XPOT: variants seen among roughly 807,000 people sequenced by gnomAD.
XPOT encodes the protein exportin-T.
A neutral mutation model predicts 128.2 loss-of-function variants in XPOT; 34 were observed. The observed-to-expected ratio is 0.27, with a 90% CI of 0.20 to 0.35. The LOEUF (loss-of-function observed/expected upper bound fraction) is 0.35. Ranked by LOEUF, XPOT falls within the 10% of genes least tolerant of loss-of-function variation. The pLI is 1.00. For synonymous variants in XPOT, 348 were observed against 394.3 expected (o/e 0.88, Z 1.39); for missense variants, 838 against 1,125.3 (o/e 0.74, Z 3.65).
rs2136046071 is a variant in XPOT at position 64,450,717 on chromosome 12, G to A, written c.*2586G>A. 6.6e-6 allele frequency: 1 copy of A among 152,368 alleles called. No individual in the cohort carries two copies. The highest frequency in any genetic ancestry group is 3.4e-3 in the Middle Eastern group (1 of 294). 9.4% of individuals were successfully genotyped at this position (152,368 alleles called of 1,614,324 possible). A position where few individuals can be genotyped will look rare whatever the true frequency, so the allele number is the denominator to read the frequency against. On this transcript the variant is annotated 3_prime_UTR_variant, in exon 25 of 25. Transcript: ENST00000332707. ...AAGTACTCAAATAATTGTCTCAAGA[G>A]AGGAAGGACAAAACTGTTACAAGCT...
chr12:64,418,536 A>G (rs1004241114), intron 5 of XPOT, among the ~76,000 whole-genome samples: 1 of 152,154 alleles, frequency 6.6e-6, no homozygotes, highest in African/African-American at 2.4e-5. Context: ...CATTTTCCTT[A>G]AAGAGCAAGT....
chr12:64,448,212 A>G lies in XPOT; in HGVS notation c.*81A>G. 7.4e-7 allele frequency: 1 copy of G among 1,348,242 alleles called. No homozygotes were observed. Among genetic ancestry groups the G allele is most frequent in the Non-Finnish European group, 1.1e-6 (1 of 939,058 alleles). The allele number at this position is 1,348,242 out of a possible 1,614,324, so 83.5% of individuals were successfully genotyped here. ...GAGGCGATTTTTGTGTGCCATTCACACTGGTCTTTTTCACATTGTTTTGAG... is the reference window on the plus strand; with the variant it reads ...GAGGCGATTTTTGTGTGCCATTCACGCTGGTCTTTTTCACATTGTTTTGAG... On this transcript the variant is annotated 3_prime_UTR_variant, in exon 25 of 25. Transcript: ENST00000332707.
intron 15 of XPOT, among the ~76,000 whole-genome samples, chr12:64,427,460 A>G (rs12316829): frequency 0.16 from 24,942 of 151,824 alleles, 2,133 homozygotes; most frequent in Middle Eastern, 0.25. Flanking sequence ...CTCATCAGCC[A>G]AGTACTTAGT....
At chr12:64,446,918 G>T (rs1436931747) in intron 24 of XPOT, among the ~76,000 whole-genome samples, 1 of 152,012 alleles carries the variant, frequency 6.6e-6, no homozygotes, top group South Asian at 2.1e-4. Flanking sequence ...CCATTTTCAC[G>T]CTGCTGATAA....
chr12:64,431,580 A>G lies in XPOT; in HGVS notation c.2019A>G (p.Gln673=), dbSNP rs753697478. The G allele has an allele frequency of 6.2e-7, 1 of 1,613,966 alleles. No individual in the cohort carries two copies. The highest frequency in any genetic ancestry group is 1.7e-5 in the Admixed American group (1 of 60,014). Residue 673 remains glutamine (Q), a synonymous_variant, in exon 18 of 25, where the codon CAA becomes CAG. Coordinates refer to ENST00000332707, the MANE Select transcript of XPOT (RefSeq NM_007235.6). ...TCAGCAACAAACAGACTGTGAAACA[A>G]TGTGGCTGTTCCGAAGTTTATCTGG... The part of the protein sequence containing the change: ...KAFSNKQTVK[Q]CGCSEVYLDC...
intron 12 of XPOT, 37 bp from the exon 13 acceptor site, chr12:64,425,001 T>C: frequency 6.2e-7 from 1 of 1,609,418 alleles, no homozygotes; most frequent in Non-Finnish European, 8.5e-7. Flanking sequence ...ATGAAAAATT[T>C]ATCTTTAAAT....
In XPOT at chr12:64,445,112, T is replaced by G; in HGVS notation, c.2843T>G (p.Val948Gly). ...GCGCTTCAGCAGCCTGATGCTAAAG[T>G]TTTTAAAAATTACTTAAAGGTAGGT... ...CQALQQPDAK[V>G]FKNYLKVFFQ... Residue 948 changes from valine (V) to glycine (G), a missense_variant, in exon 24 of 25, where the codon GTT (valine) becomes GGT (glycine). Transcript: ENST00000332707. The G allele has an allele frequency of 6.2e-7, 1 of 1,609,982 alleles. No homozygotes were observed. The highest frequency in any genetic ancestry group is 8.5e-7 in the Non-Finnish European group (1 of 1,178,202).
intron 18 of XPOT, among the ~76,000 whole-genome samples, chr12:64,432,780 C>G (rs1218604995): frequency 1.3e-5 from 2 of 152,020 alleles, no homozygotes; most frequent in African/African-American, 4.8e-5. Flanking sequence ...AAGAAAAACC[C>G]TAAGAGTTTA....
intron 15 of XPOT, among the ~76,000 whole-genome samples, chr12:64,427,436 C>T (rs1045619769): frequency 6.6e-6 from 1 of 151,896 alleles, no homozygotes; most frequent in Non-Finnish European, 1.5e-5. Context: ...TTTATGTTGC[C>T]ACTTCCTTTC....
rs1180607113 is a variant in XPOT at position 64,431,648 on chromosome 12, A to G, written c.2087A>G (p.Gln696Arg). ...TFLPALSCPL[Q>R]KDILRSGVRT... is the part of the protein sequence containing the mutation. ...TTGCCAGCCCTCAGTTGTCCCTTAC[A>G]AAAGGATATTCTCAGAAGTGGAGTC... The change falls in exon 18 of 25, where the codon CAA (glutamine) becomes CGA (arginine). Residue 696 changes from glutamine (Q) to arginine (R), a missense_variant. Around this residue, in one of 3 missense-constraint regions of XPOT, gnomAD observed 761 missense variants for 988.3 expected, o/e 0.77. Transcript: ENST00000332707. 6.2e-7 allele frequency: 1 copy of G among 1,613,944 alleles called. No individual in the cohort carries two copies. The highest frequency in any genetic ancestry group is 8.5e-7 in the Non-Finnish European group (1 of 1,179,854).
intron 23 of XPOT, among the ~76,000 whole-genome samples, chr12:64,439,619 T>A (rs73120347): frequency 0.16 from 24,104 of 152,044 alleles, 1,960 homozygotes; most frequent in Middle Eastern, 0.25. Flanking sequence ...TGCATTTTTT[T>A]AAAAAAACAT....
chr12:64,437,407 A>G (rs893243726), intron 22 of XPOT, among the ~76,000 whole-genome samples: 2 of 152,208 alleles, frequency 1.3e-5, no homozygotes, highest in Non-Finnish European at 2.9e-5. Flanking sequence ...GATATTTTTG[A>G]TGGCCCTTAA....
intron 16 of XPOT, among the ~76,000 whole-genome samples, chr12:64,429,641 A>G (rs887644151): frequency 6.6e-6 from 1 of 152,092 alleles, no homozygotes; most frequent in African/African-American, 2.4e-5. Context: ...GGGTTTCACC[A>G]CGTTGACCAG....
At chr12:64,425,604 T>G in intron 14 of XPOT, 147 bp downstream of exon 14, 1 of 1,099,796 alleles carries the variant, frequency 9.1e-7, no homozygotes, top group Non-Finnish European at 1.3e-6. Flanking sequence ...CCTCCTCCAT[T>G]TCTTTTAAAT....
intron 22 of XPOT, among the ~76,000 whole-genome samples, chr12:64,438,123 A>G (rs1010608495): frequency 6.6e-6 from 1 of 152,228 alleles, no homozygotes; most frequent in Non-Finnish European, 1.5e-5. Flanking sequence ...GAAGGATGAA[A>G]GGAAACAGTA....
At chr12:64,433,356 TC>T in intron 18 of XPOT, 57 bp from the exon 19 acceptor site, 7 of 1,453,576 alleles carry the variant, frequency 4.8e-6, no homozygotes, top group Non-Finnish European at 9.2e-7. Flanking sequence ...AATAGTTTTT[TC>T]TAAGTTGTAT....
At chr12:64,422,735 T>C (rs937435897) in intron 9 of XPOT, among the ~76,000 whole-genome samples, 3 of 151,636 alleles carry the variant, frequency 2.0e-5, no homozygotes, top group Non-Finnish European at 2.9e-5. Flanking sequence ...TCCATTTCTA[T>C]AAATAATAAA....
chr12:64,407,618 A>G (rs1474793394), intron 1 of XPOT, among the ~76,000 whole-genome samples: 1 of 152,154 alleles, frequency 6.6e-6, no homozygotes, highest in African/African-American at 2.4e-5. Flanking sequence ...CTTGAAAGAG[A>G]TGGCTTCTAA....
At chr12:64,424,414 G>A (rs1376310799) in intron 11 of XPOT, among the ~76,000 whole-genome samples, 185 bp from the exon 12 acceptor site, 3 of 152,068 alleles carry the variant, frequency 2.0e-5, no homozygotes, top group African/African-American at 7.2e-5. Context: ...AAATACAGGA[G>A]AACTGGATAT....
Sources: gnomAD v4.1 joint callset for allele counts (sites outside exome capture counted in the v4.1 genomes callset) on GRCh38, gnomAD v4.1.1 for gene constraint, gnomAD v4.1.1 regional missense constraint, MANE v1.5 for transcripts, NCBI Gene and HGNC (gene_info 2026-07-23, HGNC 2026-07-21) for gene names.